MDGA2: variants seen among roughly 807,000 people sequenced by gnomAD.
The protein encoded by MDGA2 is MAM domain-containing glycosylphosphatidylinositol anchor protein 2.
Under a neutral mutation model 117.8 loss-of-function variants are expected in MDGA2, and 40 were observed. The observed-to-expected ratio is 0.34, with a 90% CI of 0.26 to 0.44. The LOEUF (loss-of-function observed/expected upper bound fraction) is 0.44. Ranked by LOEUF, MDGA2 falls within the 20% of genes least tolerant of loss-of-function variation. The pLI, the probability that MDGA2 is intolerant of heterozygous loss-of-function variation, is 1.00. For synonymous variants in MDGA2, 452 were observed against 439.0 expected, an observed-to-expected ratio of 1.03 and a Z score of -0.37; for missense variants, 1,123 against 1,250.6, an observed-to-expected ratio of 0.90 and a Z score of 1.54.
chr14:47,231,086 A>G (rs1300321477), intron 2 of MDGA2, among the ~76,000 whole-genome samples: 1 of 152,052 alleles, frequency 6.6e-6, no homozygotes, highest in African/African-American at 2.4e-5. Context: ...AATATATTGT[A>G]GTCTTCAATT....
chr14:47,652,825 T>C (rs1594964465), intron 1 of MDGA2, among the ~76,000 whole-genome samples: 2 of 152,060 alleles, frequency 1.3e-5, no homozygotes, highest in East Asian at 3.9e-4. Context: ...AGAAAACATA[T>C]CACTTTTAAT....
At chr14:47,438,801 A>T (rs553780777) in intron 1 of MDGA2, among the ~76,000 whole-genome samples, 3 of 152,244 alleles carry the variant, frequency 2.0e-5, no homozygotes, top group Non-Finnish European at 4.4e-5. Context: ...TCCAAGCTCT[A>T]TCAGGGAAAG....
At chr14:47,517,024 G>A (rs1894767499) in intron 1 of MDGA2, among the ~76,000 whole-genome samples, 1 of 152,150 alleles carries the variant, frequency 6.6e-6, no homozygotes, top group African/African-American at 2.4e-5. Context: ...ACAATTGGAA[G>A]GAATCACAGA....
chr14:47,661,369 A>G (rs1011265668), intron 1 of MDGA2, among the ~76,000 whole-genome samples: 3 of 152,208 alleles, frequency 2.0e-5, no homozygotes, highest in Non-Finnish European at 2.9e-5. Flanking sequence ...TGTGGCATAC[A>G]GTAGGCACTT....
At chr14:47,144,615 A>C (rs570322866) in intron 3 of MDGA2, among the ~76,000 whole-genome samples, 1 of 152,170 alleles carries the variant, frequency 6.6e-6, no homozygotes, top group East Asian at 1.9e-4. Context: ...AGTGACAAAA[A>C]AAAAATTAAT....
chr14:47,367,417 C>G (rs1217306759), intron 1 of MDGA2, among the ~76,000 whole-genome samples: 2 of 152,112 alleles, frequency 1.3e-5, no homozygotes, highest in Non-Finnish European at 2.9e-5. Context: ...GTACAACAAA[C>G]CCTTCAATAG....
chr14:47,370,078 T>A (rs1008539600), intron 1 of MDGA2, among the ~76,000 whole-genome samples: 5 of 152,018 alleles, frequency 3.3e-5, no homozygotes, highest in Non-Finnish European at 7.4e-5. Flanking sequence ...TTTTCGTTTT[T>A]TTCTCAAATG....
At chr14:47,038,036 T>G (rs1888920197) in intron 7 of MDGA2, among the ~76,000 whole-genome samples, 1 of 152,146 alleles carries the variant, frequency 6.6e-6, no homozygotes, top group South Asian at 2.1e-4. Context: ...TTCAAGTGAT[T>G]GTTCTGCCTC....
intron 3 of MDGA2, among the ~76,000 whole-genome samples, chr14:47,184,982 A>C (rs1318690161): frequency 6.6e-6 from 1 of 151,386 alleles, no homozygotes; most frequent in Non-Finnish European, 1.5e-5. Context: ...AAAATGAAGC[A>C]AATAAACCAT....
chr14:46,995,700 G>GA (rs1341648874), intron 8 of MDGA2, among the ~76,000 whole-genome samples: 1 of 151,540 alleles, frequency 6.6e-6, no homozygotes, highest in Non-Finnish European at 1.5e-5. Context: ...TTATAAATAT[G>GA]AAAAATCAGT....
At position 47,009,054 on chromosome 14, in the gene MDGA2, T is replaced by A. The variant is rs559979288; in HGVS notation, c.1819+25957A>T. ...AATGTGTATTTGTTCCTAGTGAGTA[T>A]CACCAGGTTTACGATATTTAATTAA... On this transcript the variant is annotated intron_variant, in intron 8 of 16. Coordinates refer to ENST00000399232, the MANE Select transcript of MDGA2 (RefSeq NM_001113498.3). Among the ~76,000 whole-genome samples the A allele has an allele frequency of 6.6e-5, 10 of 152,118 alleles. No individual in the cohort carries two copies. The East Asian group carries it at 1.9e-3, about 29-fold the overall frequency.
chr14:47,296,341 A>C (rs568388860), intron 2 of MDGA2, among the ~76,000 whole-genome samples: 1 of 152,366 alleles, frequency 6.6e-6, no homozygotes, highest in African/African-American at 2.4e-5. Flanking sequence ...GAACAAAAGT[A>C]TCTTAAACAA....
chr14:47,341,120 T>C (rs1208016003), intron 1 of MDGA2, among the ~76,000 whole-genome samples: 1 of 152,196 alleles, frequency 6.6e-6, no homozygotes, highest in Non-Finnish European at 1.5e-5. Context: ...TGCTATCTTA[T>C]AATGTGGCTA....
chr14:47,272,269 G>A (rs1479995256), intron 2 of MDGA2, among the ~76,000 whole-genome samples: 2 of 152,112 alleles, frequency 1.3e-5, no homozygotes, highest in Non-Finnish European at 2.9e-5. Flanking sequence ...CCACGAGGGA[G>A]GCATCATGAT....
chr14:47,289,030 A>G (rs145601146), intron 2 of MDGA2, among the ~76,000 whole-genome samples: 9 of 152,232 alleles, frequency 5.9e-5, no homozygotes, highest in African/African-American at 2.2e-4. Flanking sequence ...CTTAGCATAG[A>G]AGCAGATAGG....
intron 10 of MDGA2, among the ~76,000 whole-genome samples, chr14:46,911,367 CA>C (rs1257333413): frequency 9.2e-5 from 14 of 152,276 alleles, no homozygotes; most frequent in African/African-American, 3.4e-4. Flanking sequence ...AGTAGTTGTA[CA>C]GCAGTAGTTA....
chr14:47,628,766 C>T (rs1897199225), intron 1 of MDGA2, among the ~76,000 whole-genome samples: 3 of 152,124 alleles, frequency 2.0e-5, no homozygotes, highest in Admixed American at 1.3e-4. Flanking sequence ...GATTTTTTTC[C>T]CCCCAGCTGG....
chr14:47,540,518 ATATG>A (rs1895324427), intron 1 of MDGA2, among the ~76,000 whole-genome samples: 3 of 61,182 alleles, frequency 4.9e-5, no homozygotes, highest in African/African-American at 1.5e-4. Flanking sequence ...ATGTATATGT[ATATG>A]TGTGTGTGTG....
At chr14:46,918,714 GAGAATCTTAAACAGGGTGAATA>G (rs1239637134) in intron 10 of MDGA2, among the ~76,000 whole-genome samples, 2 of 150,112 alleles carry the variant, frequency 1.3e-5, no homozygotes, top group Non-Finnish European at 3.0e-5. Flanking sequence ...TCACTTTTTT[GAGAATCTTAAACAGGGTGAATA>G]AGAATATGCT....
Sources: gnomAD v4.1 joint callset for allele counts (sites outside exome capture counted in the v4.1 genomes callset) on GRCh38, gnomAD v4.1.1 for gene constraint, MANE v1.5 for transcripts, NCBI Gene and HGNC (gene_info 2026-07-23, HGNC 2026-07-21) for gene names.